NR6A1: variants seen among roughly 807,000 people sequenced by gnomAD.
NR6A1 encodes nuclear receptor subfamily 6 group A member 1.
NR6A1 carries 7 observed loss-of-function variants against 59.1 expected under a neutral mutation model. The ratio of observed to expected loss-of-function variants is 0.12; its 90% CI spans 0.07 to 0.22. The LOEUF (loss-of-function observed/expected upper bound fraction) is 0.22. Ranked by LOEUF, NR6A1 falls within the 10% of genes least tolerant of loss-of-function variation. NR6A1 has a pLI of 1.00. For synonymous variants in NR6A1, 243 were observed against 236.1 expected, an observed-to-expected ratio of 1.03 and a Z score of -0.27; for missense variants, 468 against 611.6, an observed-to-expected ratio of 0.77 and a Z score of 2.48.
At chr9:124,754,149 A>G (rs1475369933) in intron 1 of NR6A1, among the ~76,000 whole-genome samples, 3 of 152,182 alleles carry the variant, frequency 2.0e-5, no homozygotes, top group Admixed American at 2.0e-4. Flanking sequence ...CCTTGGGAGG[A>G]GGAGTTCCAA....
intron 2 of NR6A1, among the ~76,000 whole-genome samples, chr9:124,712,797 T>C (rs1270388039): frequency 6.6e-6 from 1 of 152,206 alleles, no homozygotes; most frequent in Non-Finnish European, 1.5e-5. Context: ...AGCCTGAGTT[T>C]CAAAATTCAA....
chr9:124,591,974 T>C (rs575770199), intron 2 of NR6A1, among the ~76,000 whole-genome samples: 14 of 152,198 alleles, frequency 9.2e-5, no homozygotes, highest in East Asian at 1.9e-4. Context: ...TTCTTGCAAA[T>C]AGATTAATTT....
intron 2 of NR6A1, among the ~76,000 whole-genome samples, chr9:124,564,509 A>G (rs1341465050): frequency 2.0e-5 from 3 of 152,254 alleles, no homozygotes; most frequent in African/African-American, 7.2e-5. Flanking sequence ...TAATAAAGAG[A>G]TACAAGATCT....
Position 124,526,857 on chromosome 9 carries a change from G to A in NR6A1, c.1123C>T (p.Leu375Phe), listed in dbSNP as rs1395790780. 1.2e-6 allele frequency: 2 copies of A among 1,614,100 alleles called. No homozygotes were observed. Among genetic ancestry groups the A allele is most frequent in the Non-Finnish European group, 1.7e-6 (2 of 1,179,966 alleles). The change falls in exon 8 of 10, where the codon CTC (leucine) becomes TTC (phenylalanine). Residue 375 changes from leucine (L) to phenylalanine (F), a missense_variant. Transcript: ENST00000487099. Reference sequence around the variant, plus strand: ...TTTAGCTGATGGAACTTGTGATAGAGGTAGATGAGCCGCTCGATCACCTCC... The same window carrying A: ...TTTAGCTGATGGAACTTGTGATAGAAGTAGATGAGCCGCTCGATCACCTCC... ...GMEVIERLIYLYHKFHQLKVS... is the reference protein window; with the variant it reads ...GMEVIERLIYFYHKFHQLKVS...
At chr9:124,594,334 G>A (rs919801213) in intron 2 of NR6A1, among the ~76,000 whole-genome samples, 3 of 152,144 alleles carry the variant, frequency 2.0e-5, no homozygotes, top group Non-Finnish European at 2.9e-5. Flanking sequence ...TGAACCAGGG[G>A]AGAACTTTCT....
chr9:124,742,845 C>T (rs1840214941), intron 1 of NR6A1, among the ~76,000 whole-genome samples: 1 of 152,174 alleles, frequency 6.6e-6, no homozygotes, highest in South Asian at 2.1e-4. Context: ...CACTGCACTC[C>T]AGCCTGGATG....
At chr9:124,658,294 G>A (rs765143916) in intron 2 of NR6A1, among the ~76,000 whole-genome samples, 3 of 152,010 alleles carry the variant, frequency 2.0e-5, no homozygotes, top group African/African-American at 7.3e-5. Flanking sequence ...ACATTTCACC[G>A]ATCAGGGCAC....
At position 124,627,842 on chromosome 9, in the gene NR6A1, G is replaced by C. The variant is rs1171018266; in HGVS notation, c.143-73272C>G. Among the ~76,000 whole-genome samples, 4 of 148,232 alleles carry C rather than the reference G, an allele frequency of 2.7e-5. No individual in the cohort carries two copies. In the East Asian group the frequency reaches 8.0e-4, roughly 30 times the overall value. ...CCTGCCTTGGCCTCCCAAAGTGCTA[G>C]GATTACAGGCATAAGCCACCATGCC... is the stretch of plus-strand genomic sequence containing the variant. On this transcript the variant is annotated intron_variant, in intron 2 of 9. Transcript: ENST00000487099.
chr9:124,745,135 A>G (rs1481158116), intron 1 of NR6A1, among the ~76,000 whole-genome samples: 1 of 152,196 alleles, frequency 6.6e-6, no homozygotes, highest in Non-Finnish European at 1.5e-5. Flanking sequence ...ATTCAATGGA[A>G]TATTTTGCGA....
At chr9:124,584,006 T>C (rs1438556722) in intron 2 of NR6A1, among the ~76,000 whole-genome samples, 1 of 152,100 alleles carries the variant, frequency 6.6e-6, no homozygotes, top group Non-Finnish European at 1.5e-5. Context: ...CCCTAATGCA[T>C]AGCTCAATAC....
intron 2 of NR6A1, among the ~76,000 whole-genome samples, chr9:124,581,794 A>T (rs947125077): frequency 6.6e-6 from 1 of 152,224 alleles, no homozygotes; most frequent in Non-Finnish European, 1.5e-5. Context: ...TCAAAAGAAG[A>T]CATTTATGAG....
intron 1 of NR6A1, among the ~76,000 whole-genome samples, chr9:124,748,816 G>A (rs1470392991): frequency 1.3e-5 from 2 of 148,836 alleles, no homozygotes; most frequent in Non-Finnish European, 3.0e-5. Flanking sequence ...AGTGAGCTGA[G>A]ATCGCGCCAC....
chr9:124,695,665 C>T (rs1333079652), intron 2 of NR6A1, among the ~76,000 whole-genome samples: 2 of 152,084 alleles, frequency 1.3e-5, no homozygotes, highest in Non-Finnish European at 2.9e-5. Context: ...TCACCGCGCC[C>T]GGCCCGAGGG....
chr9:124,538,493 G>A (rs1833349759), intron 5 of NR6A1, among the ~76,000 whole-genome samples, 174 bp from the exon 6 acceptor site: 1 of 152,194 alleles, frequency 6.6e-6, no homozygotes, highest in African/African-American at 2.4e-5. Flanking sequence ...ATTCCCATCT[G>A]TAAGACAAAG....
At chr9:124,716,238 A>G (rs574741766) in intron 2 of NR6A1, among the ~76,000 whole-genome samples, 1 of 152,312 alleles carries the variant, frequency 6.6e-6, no homozygotes, top group South Asian at 2.1e-4. Flanking sequence ...AAGCCTTTTC[A>G]ACAAATGGTG....
At chr9:124,733,400 G>A (rs753556880) in intron 1 of NR6A1, 51 bp from the exon 2 acceptor site, 63 of 1,351,290 alleles carry the variant, frequency 4.7e-5, no homozygotes, top group Non-Finnish European at 6.4e-5. Flanking sequence ...ATTACTTCAA[G>A]CTGACTCCAA....
intron 2 of NR6A1, among the ~76,000 whole-genome samples, chr9:124,706,851 T>A (rs1190644616): frequency 6.6e-6 from 1 of 152,126 alleles, no homozygotes; most frequent in Non-Finnish European, 1.5e-5. Context: ...TAGAATGTCA[T>A]CCCATTGCCT....
intron 3 of NR6A1, among the ~76,000 whole-genome samples, chr9:124,553,909 T>C (rs1833855329): frequency 6.6e-6 from 1 of 152,148 alleles, no homozygotes; most frequent in African/African-American, 2.4e-5. Context: ...CTCACCAACC[T>C]AGACACAGAC....
intron 2 of NR6A1, among the ~76,000 whole-genome samples, chr9:124,623,741 G>C (rs1205193554): frequency 6.6e-6 from 1 of 152,110 alleles, no homozygotes; most frequent in East Asian, 1.9e-4. Context: ...GCCTGTTTTA[G>C]CTGTTCTAGC....
Sources: allele counts gnomAD v4.1 joint callset (sites outside exome capture counted in the v4.1 genomes callset), GRCh38; gene constraint gnomAD v4.1.1; transcripts MANE v1.5; gene names NCBI Gene and HGNC (gene_info 2026-07-23, HGNC 2026-07-21).